The following NFASC variants were observed in gnomAD, a reference collection of about 807,000 sequenced individuals.
The protein encoded by NFASC is neurofascin, also known as neurofascin homolog.
In NFASC, 43 loss-of-function variants were observed where a neutral mutation model predicts 147.5. The ratio of observed to expected loss-of-function variants is 0.29; its 90% CI spans 0.23 to 0.38. The LOEUF (loss-of-function observed/expected upper bound fraction) is 0.38, where lower values mean the gene tolerates loss of function less well. NFASC is among the 10% of genes least tolerant of loss of function. The pLI, the probability that NFASC is intolerant of heterozygous loss-of-function variation, is 1.00. For synonymous variants in NFASC, 622 were observed against 665.5 expected, an observed-to-expected ratio of 0.93 and a Z score of 1.01; for missense variants, 1,320 against 1,689.0, an observed-to-expected ratio of 0.78 and a Z score of 3.83.
intron 1 of NFASC, among the ~76,000 whole-genome samples, chr1:204,867,920 A>T (rs563650685): frequency 2.0e-5 from 3 of 152,332 alleles, no homozygotes; most frequent in Non-Finnish European, 4.4e-5. Context: ...GCCCTGGGTC[A>T]TCCTGGGGTC....
chr1:205,009,653 G>A lies in NFASC; in HGVS notation c.3386G>A (p.Cys1129Tyr). The A allele has an allele frequency of 6.2e-7, 1 of 1,614,148 alleles. No homozygotes were observed. The highest frequency in any genetic ancestry group is 8.5e-7 in the Non-Finnish European group (1 of 1,180,042). Reference sequence around the variant, plus strand: ...CTGGTGCTGATCCTGCTCATCGTCTGTTTCATCAAGAGGAGTCGCGGCGGC... The same window carrying A: ...CTGGTGCTGATCCTGCTCATCGTCTATTTCATCAAGAGGAGTCGCGGCGGC... ...ALLVLILLIV[C>Y]FIKRSRGGKY... Residue 1129 changes from cysteine to tyrosine, a missense_variant, in exon 28 of 30, where the codon TGT (cysteine) becomes TAT (tyrosine). Transcript: ENST00000339876.
At chr1:204,914,580 G>T (rs1330045770) in intron 1 of NFASC, among the ~76,000 whole-genome samples, 1 of 152,176 alleles carries the variant, frequency 6.6e-6, no homozygotes, top group African/African-American at 2.4e-5. Context: ...TGTGAGAATG[G>T]ACTAATACAG....
At chr1:204,944,771 T>C (rs1246430309) in intron 3 of NFASC, 1 of 240,372 alleles carries the variant, frequency 4.2e-6, no homozygotes, top group Non-Finnish European at 7.9e-6. Flanking sequence ...ATGAAAGCAG[T>C]CCAGGGTCAA....
chr1:204,898,896 T>C (rs2083939047), intron 1 of NFASC, among the ~76,000 whole-genome samples: 1 of 152,214 alleles, frequency 6.6e-6, no homozygotes, highest in Admixed American at 6.5e-5. Context: ...AATGAGGAGA[T>C]AGGAGCCCTC....
intron 1 of NFASC, among the ~76,000 whole-genome samples, chr1:204,846,407 A>G (rs1677046963): frequency 1.3e-5 from 2 of 152,054 alleles, no homozygotes; most frequent in Non-Finnish European, 2.9e-5. Context: ...TTTCCTCCAT[A>G]AAGATGGGGA....
Position 204,970,760 on chromosome 1 carries a change from C to G in NFASC, c.1135+13C>G. 6.2e-7 allele frequency: 1 copy of G among 1,614,104 alleles called. No homozygotes were observed. On this transcript the variant is annotated intron_variant, in intron 11 of 29. Transcript: ENST00000339876. ...GAACCTTTGCAATGTAAGTAGCGAG[C>G]TGTTGTCCCATCTGACTCTCATCTC...
intron 2 of NFASC, among the ~76,000 whole-genome samples, chr1:204,922,615 A>G (rs1488501665): frequency 6.6e-6 from 1 of 152,152 alleles, no homozygotes; most frequent in Non-Finnish European, 1.5e-5. Context: ...TCGCAAAACT[A>G]ATTAGCAAAA....
chr1:204,944,719 C>G (rs189742554), intron 3 of NFASC: 1 of 341,586 alleles, frequency 2.9e-6, no homozygotes, highest in African/African-American at 2.1e-5. Context: ...GGGTTTTTCC[C>G]TCTGCTCACC....
chr1:204,894,672 C>A (rs1348919372), intron 1 of NFASC, among the ~76,000 whole-genome samples: 2 of 152,170 alleles, frequency 1.3e-5, no homozygotes, highest in Non-Finnish European at 2.9e-5. Flanking sequence ...CACCTATTCC[C>A]CTTTTGATTT....
chr1:204,976,373 G>T (rs114435483), intron 15 of NFASC, among the ~76,000 whole-genome samples: 103 of 152,330 alleles, frequency 6.8e-4, no homozygotes, highest in African/African-American at 2.4e-3. Context: ...TCTGGGAGGG[G>T]TGCACAGCAC....
chr1:204,917,836 G>C (rs2089611783), intron 1 of NFASC, among the ~76,000 whole-genome samples: 1 of 152,148 alleles, frequency 6.6e-6, no homozygotes, highest in East Asian at 1.9e-4. Flanking sequence ...TTTCTCCAAG[G>C]AGGCCCAATT....
Position 204,997,194 on chromosome 1 carries a change from C to T in NFASC, c.2807C>T (p.Thr936Ile), listed in dbSNP as rs374516300. Reference sequence around the variant, plus strand: ...GCTCCTCCCACATTGCCCCCGACTACCGTGGGTGCGACGGGCGCTGTGAGC... The same window carrying T: ...GCTCCTCCCACATTGCCCCCGACTATCGTGGGTGCGACGGGCGCTGTGAGC... ...TAAPPTLPPTTVGATGAVSST... is the reference protein window; with the variant it reads ...TAAPPTLPPTIVGATGAVSST... Residue 936 changes from threonine to isoleucine, a missense_variant, in exon 25 of 30, where the codon ACC (threonine) becomes ATC (isoleucine). Thr to Ile is a moderately conservative substitution (Grantham distance 89, BLOSUM62 -1). Around this residue, in one of 3 missense-constraint regions of NFASC, gnomAD observed 981 missense variants for 1,289.5 expected, o/e 0.76. Transcript: ENST00000339876. The T allele has an allele frequency of 9.3e-5, 150 of 1,613,168 alleles. No homozygotes were observed. The highest frequency in any genetic ancestry group is 1.7e-4 in the African/African-American group (13 of 74,898).
intron 20 of NFASC, 81 bp downstream of exon 20, chr1:204,980,521 C>A (rs958166691): frequency 2.5e-5 from 26 of 1,025,710 alleles, no homozygotes; most frequent in Non-Finnish European, 3.6e-5. Context: ...TGCCCCGACA[C>A]TACGAGGCCA....
intron 25 of NFASC, 49 bp downstream of exon 25, chr1:204,997,455 A>G (rs2095870873): frequency 6.5e-7 from 1 of 1,549,320 alleles, no homozygotes; most frequent in African/African-American, 1.4e-5. Flanking sequence ...CCGCCTCCCC[A>G]GCGGCCTCCA....
At position 205,013,051 on chromosome 1, in the gene NFASC, G is replaced by A. The variant is rs144830134; in HGVS notation, c.3491+185G>A. On this transcript the variant is annotated intron_variant, in intron 29 of 29. Transcript: ENST00000339876. ...GTGCATGCTGCTGAGTTTACTCAGA[G>A]GCTTCTCATCCTGAGAGTGCCAGAC... Among the ~76,000 whole-genome samples, 396 of 152,336 alleles carry A rather than the reference G, an allele frequency of 2.6e-3. 1 individual carries two copies. Among genetic ancestry groups the A allele is most frequent in the African/African-American group, 9.1e-3 (380 of 41,578 alleles).
chr1:204,850,180 G>T (rs753172715), intron 1 of NFASC, among the ~76,000 whole-genome samples: 1 of 152,196 alleles, frequency 6.6e-6, no homozygotes, highest in Non-Finnish European at 1.5e-5. Context: ...ATTCTGTGAG[G>T]CAATGAGTGA....
chr1:204,906,856 T>G (rs559267615), intron 1 of NFASC, among the ~76,000 whole-genome samples: 23 of 152,296 alleles, frequency 1.5e-4, no homozygotes, highest in African/African-American at 4.8e-5. Context: ...GCTAATTTTT[T>G]GTATTTTTAG....
At chr1:204,998,316 G>A (rs978070614) in intron 25 of NFASC, 1 of 152,208 alleles carries the variant, frequency 6.6e-6, no homozygotes, top group Non-Finnish European at 1.5e-5. Context: ...TCAGCGTGAG[G>A]CAGCCAGGAA....
chr1:204,968,165 C>A lies in NFASC; in HGVS notation c.707-84C>A. On this transcript the variant is annotated intron_variant, in intron 8 of 29. Transcript: ENST00000339876. The surrounding 1 kb of genome is among the most constrained non-coding windows in gnomAD (Gnocchi z 5.4). ...GGATCCGGCAGGGGCGGTGATGCCA[C>A]TTCTCTCTAGCCTGACAGCGTTGGC... 1 of 1,008,770 alleles carries A rather than the reference C, an allele frequency of 9.9e-7. No individual in the cohort carries two copies. The allele number at this position is 1,008,770 out of a possible 1,614,324, so 62.5% of individuals were successfully genotyped here.
Sources: allele counts gnomAD v4.1 joint callset (sites outside exome capture counted in the v4.1 genomes callset), GRCh38; gene constraint gnomAD v4.1.1; regional missense constraint gnomAD v4.1.1; non-coding constraint Gnocchi (gnomAD v3.1); transcripts MANE v1.5; gene names NCBI Gene and HGNC (gene_info 2026-07-23, HGNC 2026-07-21).